IL1RAPL1: variants seen among roughly 807,000 people sequenced by gnomAD.
The protein encoded by IL1RAPL1 is interleukin 1 receptor accessory protein like 1.
A neutral mutation model predicts 48.4 loss-of-function variants in IL1RAPL1; 3 were observed. That is an observed-to-expected ratio of 0.06 (90% CI 0.03 to 0.16). IL1RAPL1 has a LOEUF of 0.16. Among genes scored for constraint, IL1RAPL1 ranks in the 10% least tolerant of loss-of-function variants. The probability of loss-of-function intolerance (pLI) is 1.00; values close to 1 mark genes in which losing one functional copy is unlikely to be tolerated. For missense variants in IL1RAPL1, 349 were observed against 530.6 expected (o/e 0.66, Z 3.36); for synonymous variants, 185 against 187.7 (o/e 0.99, Z 0.12).
chrX:29,767,900 A>G (rs1352967481), intron 6 of IL1RAPL1, among the ~76,000 whole-genome samples: 1 of 111,310 alleles, frequency 9.0e-6, no homozygotes, highest in African/African-American at 3.3e-5. Context: ...GAATTCGATA[A>G]TCACAAATGT....
At chrX:28,951,498 T>C (rs1924465630) in intron 2 of IL1RAPL1, among the ~76,000 whole-genome samples, 1 of 110,879 alleles carries the variant, frequency 9.0e-6, no homozygotes, top group African/African-American at 3.3e-5. Context: ...GTTTTATTTT[T>C]ATAGAATATC....
chrX:29,719,865 G>A (rs984753087), intron 6 of IL1RAPL1, among the ~76,000 whole-genome samples: 4 of 110,293 alleles, frequency 3.6e-5, no homozygotes, highest in Non-Finnish European at 5.7e-5. Flanking sequence ...AAAGAAGGTA[G>A]AGTATTTTAT....
At chrX:28,798,966 C>T (rs759413075) in intron 2 of IL1RAPL1, among the ~76,000 whole-genome samples, 131 of 111,764 alleles carry the variant, frequency 1.2e-3, no homozygotes, top group African/African-American at 4.0e-3. Context: ...AAAAATACCC[C>T]CTTTTCTTTG....
intron 5 of IL1RAPL1, among the ~76,000 whole-genome samples, chrX:29,470,265 TC>T (rs1204140632): frequency 1.8e-5 from 2 of 112,057 alleles, no homozygotes; most frequent in Non-Finnish European, 3.8e-5. Flanking sequence ...GTCTCCAAGA[TC>T]TTTTATTGGC....
chrX:29,723,835 GAC>G (rs751470680), intron 6 of IL1RAPL1, among the ~76,000 whole-genome samples: 183 of 111,127 alleles, frequency 1.6e-3, no homozygotes, highest in African/African-American at 5.6e-3. Context: ...TTATTTTTGA[GAC>G]ACAGTCTCGC....
In IL1RAPL1 at chrX:29,943,396, C is replaced by T. The variant is rs763008041; in HGVS notation, c.1201+1602C>T. 5.4e-5 allele frequency among the ~76,000 whole-genome samples: 6 copies of T among 112,001 alleles called. No individual in the cohort carries two copies. The East Asian group carries it at 1.1e-3, about 21-fold the overall frequency. The stretch of plus-strand genomic sequence containing the variant: ...GGTCAATATTGTAATCTCCATTTTA[C>T]TGATAAGGCAACTGAGACTTTCAGA... On this transcript the variant is annotated intron_variant, in intron 9 of 10. Coordinates refer to ENST00000378993, the MANE Select transcript of IL1RAPL1 (RefSeq NM_014271.4).
rs774164017 is a variant in IL1RAPL1, at chrX:29,825,274, G to A, written c.779-92190G>A. On this transcript the variant is annotated intron_variant, in intron 6 of 10. Coordinates refer to ENST00000378993, the MANE Select transcript of IL1RAPL1 (RefSeq NM_014271.4). ...TTTCTTCAGTTTGCTGTCTATCGGT[G>A]TCCATCAGAAATACCTTGTTGGCAA... Among the ~76,000 whole-genome samples the A allele has an allele frequency of 9.0e-5, 10 of 111,057 alleles. No individual in the cohort carries two copies. The South Asian group carries it at 3.9e-3, about 43-fold the overall frequency.
intron 6 of IL1RAPL1, among the ~76,000 whole-genome samples, chrX:29,890,508 G>A (rs1318817032): frequency 9.0e-6 from 1 of 111,568 alleles, no homozygotes; most frequent in African/African-American, 3.3e-5. Context: ...CTAAAATGAG[G>A]GAACAGTTCC....
chrX:29,817,469 G>T (rs753769362), intron 6 of IL1RAPL1, among the ~76,000 whole-genome samples: 1 of 111,058 alleles, frequency 9.0e-6, no homozygotes, highest in Middle Eastern at 4.6e-3. Flanking sequence ...CAGCTGAAAG[G>T]TGTATGAAGT....
intron 6 of IL1RAPL1, among the ~76,000 whole-genome samples, chrX:29,791,427 CTT>C (rs772185346): frequency 1.0e-5 from 1 of 99,762 alleles, no homozygotes. Flanking sequence ...TTCTTTTTAT[CTT>C]TTTTTTTTTT....
At chrX:29,722,676 G>T (rs778104488) in intron 6 of IL1RAPL1, among the ~76,000 whole-genome samples, 3 of 111,160 alleles carry the variant, frequency 2.7e-5, no homozygotes, top group East Asian at 2.8e-4. Flanking sequence ...TTATTACCTC[G>T]ATTTACATTG....
At chrX:28,748,813 C>T (rs1936008009) in intron 1 of IL1RAPL1, among the ~76,000 whole-genome samples, 1 of 111,506 alleles carries the variant, frequency 9.0e-6, no homozygotes, top group Non-Finnish European at 1.9e-5. Context: ...AAACCTTCTT[C>T]TAGCTATTTT....
chrX:28,629,983 A>G (rs1400945192), intron 1 of IL1RAPL1, among the ~76,000 whole-genome samples: 2 of 111,662 alleles, frequency 1.8e-5, no homozygotes, highest in African/African-American at 3.3e-5. Context: ...TTGCCTCCTG[A>G]TATGTTAAAA....
chrX:28,887,894 T>C (rs1569193251), intron 2 of IL1RAPL1, among the ~76,000 whole-genome samples: 1 of 111,638 alleles, frequency 9.0e-6, no homozygotes, highest in Non-Finnish European at 1.9e-5. Context: ...ATGATTAATT[T>C]CAGATTTATT....
At chrX:29,503,725 C>T (rs1787604457) in intron 5 of IL1RAPL1, among the ~76,000 whole-genome samples, 1 of 111,162 alleles carries the variant, frequency 9.0e-6, no homozygotes, top group African/African-American at 3.3e-5. Context: ...TTACAGCTCA[C>T]TCTAGCCCTG....
chrX:29,440,922 G>A (rs897603411), intron 5 of IL1RAPL1, among the ~76,000 whole-genome samples: 2 of 111,776 alleles, frequency 1.8e-5, no homozygotes, highest in African/African-American at 6.5e-5. Context: ...TAAACAATAT[G>A]TAAAGAGCTC....
At chrX:29,231,986 G>C (rs1305029440) in intron 2 of IL1RAPL1, among the ~76,000 whole-genome samples, 1 of 111,691 alleles carries the variant, frequency 9.0e-6, no homozygotes, top group Non-Finnish European at 1.9e-5. Context: ...AGAACAACAA[G>C]ATAATGAGTT....
intron 6 of IL1RAPL1, among the ~76,000 whole-genome samples, chrX:29,863,784 CTT>C (rs1225575729): frequency 1.9e-5 from 2 of 105,074 alleles, no homozygotes; most frequent in African/African-American, 6.9e-5. Context: ...ACACATACAA[CTT>C]TTTTTTTTTT....
Position 29,339,708 on chromosome X carries a change from C to A in IL1RAPL1, c.362+56491C>A, listed in dbSNP as rs140369353. Reference sequence around the variant, plus strand: ...CCAATATATGTTACTAACTAAAGTCCACATTTTATTCAGCTTTCCTCAGTT... The same window carrying A: ...CCAATATATGTTACTAACTAAAGTCAACATTTTATTCAGCTTTCCTCAGTT... On this transcript the variant is annotated intron_variant, in intron 3 of 10. Coordinates refer to ENST00000378993, the MANE Select transcript of IL1RAPL1 (RefSeq NM_014271.4). Among the ~76,000 whole-genome samples, 625 of 111,962 alleles carry A rather than the reference C, an allele frequency of 5.6e-3. 4 individuals carry two copies. The highest frequency in any genetic ancestry group is 0.019 in the African/African-American group (593 of 30,836).
Sources: gnomAD v4.1 joint callset for allele counts (sites outside exome capture counted in the v4.1 genomes callset) on GRCh38, gnomAD v4.1.1 for gene constraint, MANE v1.5 for transcripts, NCBI Gene and HGNC (gene_info 2026-07-23, HGNC 2026-07-21) for gene names.